Variants in SPAG16 observed in about 807,000 individuals in gnomAD.
SPAG16 encodes the protein sperm associated antigen 16, also known as sperm-associated antigen 16 protein.
In SPAG16, 86 loss-of-function variants were observed where a neutral mutation model predicts 80.4. That is an observed-to-expected ratio of 1.07 (90% CI 0.90 to 1.28). SPAG16 has a LOEUF of 1.28. Ranked by LOEUF, SPAG16 falls within the 50% of genes most tolerant of loss-of-function variation. The pLI, the probability that SPAG16 is intolerant of heterozygous loss-of-function variation, is 0.00. For synonymous variants in SPAG16, 294 were observed against 265.9 expected, an observed-to-expected ratio of 1.11 and a Z score of -1.03; for missense variants, 870 against 765.3, an observed-to-expected ratio of 1.14 and a Z score of -1.61.
At chr2:214,158,704 G>A (rs765676830) in intron 15 of SPAG16, among the ~76,000 whole-genome samples, 27 of 151,988 alleles carry the variant, frequency 1.8e-4, no homozygotes, top group Non-Finnish European at 3.2e-4. Flanking sequence ...TATAATTTTT[G>A]TTTAGCGCTC....
intron 15 of SPAG16, among the ~76,000 whole-genome samples, chr2:214,263,158 C>T (rs1158019412): frequency 6.6e-6 from 1 of 152,012 alleles, no homozygotes; most frequent in Non-Finnish European, 1.5e-5. Context: ...ATAAGATCTC[C>T]AGGACTTTTT....
At chr2:213,609,943 G>T (rs2061389580) in intron 10 of SPAG16, among the ~76,000 whole-genome samples, 1 of 151,990 alleles carries the variant, frequency 6.6e-6, no homozygotes, top group South Asian at 2.1e-4. Flanking sequence ...GGGGCACAGA[G>T]AAAGCAGCCT....
At chr2:213,398,581 A>G (rs77068856) in intron 9 of SPAG16, among the ~76,000 whole-genome samples, 3,461 of 152,236 alleles carry the variant, frequency 0.023, 137 homozygotes, top group African/African-American at 0.08. Flanking sequence ...GATAATTCAG[A>G]TGGCTCATCT....
At chr2:214,356,906 A>G (rs1014622306) in intron 15 of SPAG16, among the ~76,000 whole-genome samples, 2 of 151,828 alleles carry the variant, frequency 1.3e-5, no homozygotes, top group Non-Finnish European at 2.9e-5. Context: ...GGTCATTTGT[A>G]TTCTGGAAAA....
At chr2:213,644,046 G>T (rs2062727789) in intron 10 of SPAG16, among the ~76,000 whole-genome samples, 1 of 151,042 alleles carries the variant, frequency 6.6e-6, no homozygotes, top group Admixed American at 6.6e-5. Context: ...CTCCCAAAAT[G>T]CTGGGATTAC....
intron 14 of SPAG16, among the ~76,000 whole-genome samples, chr2:214,109,592 A>T (rs965714217): frequency 1.3e-5 from 2 of 152,194 alleles, no homozygotes; most frequent in Admixed American, 6.6e-5. Context: ...ACTAAAAATT[A>T]TATCTACTAA....
chr2:213,749,850 T>A (rs1388815070), intron 10 of SPAG16, among the ~76,000 whole-genome samples: 1 of 152,206 alleles, frequency 6.6e-6, no homozygotes, highest in African/African-American at 2.4e-5. Flanking sequence ...GTTCACCTGT[T>A]TTTTATATGA....
intron 10 of SPAG16, among the ~76,000 whole-genome samples, chr2:213,705,260 GAA>G (rs975219301): frequency 2.0e-5 from 3 of 150,866 alleles, no homozygotes; most frequent in African/African-American, 4.9e-5. Flanking sequence ...AAATAAGAAA[GAA>G]AGAGAGAGAG....
chr2:213,722,380 T>G (rs2066568457), intron 10 of SPAG16, among the ~76,000 whole-genome samples: 1 of 152,214 alleles, frequency 6.6e-6, no homozygotes, highest in Admixed American at 6.5e-5. Flanking sequence ...TTGAAATGTG[T>G]TCTCTCATTT....
chr2:213,596,586 C>T (rs942445712), intron 10 of SPAG16, among the ~76,000 whole-genome samples: 3 of 152,036 alleles, frequency 2.0e-5, no homozygotes, highest in Admixed American at 6.5e-5. Context: ...CAACAGTTTT[C>T]GTACTTTTAG....
Position 214,108,203 on chromosome 2 carries a change from G to A in SPAG16, c.1535G>A (p.Cys512Tyr). The change falls in exon 14 of 16, where the codon TGT becomes TAT. Residue 512 changes from cysteine (C) to tyrosine (Y), a missense_variant. By Grantham distance (194) the Cys-to-Tyr change is radical. Coordinates refer to ENST00000331683, the MANE Select transcript of SPAG16 (RefSeq NM_024532.5). ...TCTGCTTTGTCTTCCTAGGGTATAT[G>A]TGAGCAGTCACTTTATGGTCACATG... Reference protein sequence around the residue: ...LSIWDARTGICEQSLYGHMHS... With the variant: ...LSIWDARTGIYEQSLYGHMHS... 6.3e-7 allele frequency: 1 copy of A among 1,588,096 alleles called. No homozygotes were observed.
At chr2:213,729,070 C>T (rs1345740040) in intron 10 of SPAG16, among the ~76,000 whole-genome samples, 5 of 151,868 alleles carry the variant, frequency 3.3e-5, no homozygotes, top group African/African-American at 7.3e-5. Context: ...AAGTAAAATA[C>T]GATTAGGAAA....
At chr2:213,644,095 C>A (rs1040617028) in intron 10 of SPAG16, among the ~76,000 whole-genome samples, 5 of 151,090 alleles carry the variant, frequency 3.3e-5, no homozygotes, top group African/African-American at 1.2e-4. Context: ...CTCACGAATT[C>A]TTTCTTCTGC....
rs372914040 is a variant in SPAG16, at chr2:213,346,366, G to C, written c.645-4162G>C. Among the ~76,000 whole-genome samples the C allele has an allele frequency of 5.9e-4, 90 of 152,028 alleles. 1 individual carries two copies. Among genetic ancestry groups the C allele is most frequent in the African/African-American group, 1.6e-3 (65 of 41,518 alleles). On this transcript the variant is annotated intron_variant, in intron 6 of 15. Transcript: ENST00000331683. ...ACTTCCTCTTTTCCTAATTGAATAC[G>C]CTTTATTTCCTTCTCCTGCCTGATT...
At chr2:214,181,212 G>A (rs181415662) in intron 15 of SPAG16, among the ~76,000 whole-genome samples, 8 of 151,928 alleles carry the variant, frequency 5.3e-5, no homozygotes, top group African/African-American at 1.9e-4. Context: ...ATGTAACAAA[G>A]GAATATCTAA....
At chr2:214,189,440 G>A (rs1050436300) in intron 15 of SPAG16, among the ~76,000 whole-genome samples, 1 of 152,052 alleles carries the variant, frequency 6.6e-6, no homozygotes, top group African/African-American at 2.4e-5. Context: ...TCTGCTGCAA[G>A]TAATGTTGAG....
intron 11 of SPAG16, among the ~76,000 whole-genome samples, chr2:213,901,014 A>G (rs2077199280): frequency 6.6e-6 from 1 of 152,134 alleles, no homozygotes; most frequent in Non-Finnish European, 1.5e-5. Flanking sequence ...AATATTTTGT[A>G]TCATTCATTT....
At position 213,588,689 on chromosome 2, in the gene SPAG16, C is replaced by T. The variant is rs866464217; in HGVS notation, c.1070+98599C>T. Among the ~76,000 whole-genome samples, 78 of 151,110 alleles carry T rather than the reference C, an allele frequency of 5.2e-4. No individual in the cohort carries two copies. In the Middle Eastern group the frequency reaches 0.017, roughly 33 times the overall value. ...CGGTGGCGGGCGCCTGTAGTCCCAGCTACTCGGGAGGCTGAGGCAGGAGAA... is the reference window on the plus strand; with the variant it reads ...CGGTGGCGGGCGCCTGTAGTCCCAGTTACTCGGGAGGCTGAGGCAGGAGAA... On this transcript the variant is annotated intron_variant, in intron 10 of 15. Coordinates refer to ENST00000331683, the MANE Select transcript of SPAG16 (RefSeq NM_024532.5).
At chr2:213,605,812 C>G (rs561210672) in intron 10 of SPAG16, among the ~76,000 whole-genome samples, 2 of 152,212 alleles carry the variant, frequency 1.3e-5, no homozygotes, top group African/African-American at 2.4e-5. Context: ...TGAAAGAGAA[C>G]TTTTAGGGCA....
Sources: allele counts gnomAD v4.1 joint callset (sites outside exome capture counted in the v4.1 genomes callset), GRCh38; gene constraint gnomAD v4.1.1; transcripts MANE v1.5; gene names NCBI Gene and HGNC (gene_info 2026-07-23, HGNC 2026-07-21).